SUPT3H: variants seen among roughly 807,000 people sequenced by gnomAD.
SUPT3H encodes transcription initiation protein SPT3 homolog.
A neutral mutation model predicts 44.3 loss-of-function variants in SUPT3H; 44 were observed. The observed-to-expected ratio is 0.99, with a 90% CI of 0.78 to 1.28. The LOEUF is 1.28. Ranked by LOEUF, SUPT3H falls within the 50% of genes most tolerant of loss-of-function variation. The probability of loss-of-function intolerance (pLI) is 0.00; values close to 1 mark genes in which losing one functional copy is unlikely to be tolerated. For synonymous variants in SUPT3H, 124 were observed against 125.6 expected (o/e 0.99, Z 0.09); for missense variants, 380 against 387.1 (o/e 0.98, Z 0.15).
At chr6:44,909,510 T>C (rs75543096) in intron 10 of SUPT3H, among the ~76,000 whole-genome samples, 1 of 152,356 alleles carries the variant, frequency 6.6e-6, no homozygotes, top group East Asian at 1.9e-4. Context: ...ACTTATCCTA[T>C]AAAATGCTCA....
intron 10 of SUPT3H, among the ~76,000 whole-genome samples, chr6:44,869,672 T>C (rs1776053540): frequency 6.6e-6 from 1 of 152,172 alleles, no homozygotes; most frequent in African/African-American, 2.4e-5. Flanking sequence ...CTGCCCCGAA[T>C]CCCTTGCTCT....
At chr6:45,295,548 A>AAAAAAAAAAAAAAAAAAAAAAAAAAAAAC (rs1554330142) in intron 2 of SUPT3H, among the ~76,000 whole-genome samples, 2 of 90,218 alleles carry the variant, frequency 2.2e-5, no homozygotes, top group Admixed American at 1.2e-4. Flanking sequence ...AAAAAAAAAA[A>AAAAAAAAAAAAAAAAAAAAAAAAAAAAAC]AAAAAACAGC....
chr6:44,828,542 A>C lies in SUPT3H; in HGVS notation c.*1274T>G, dbSNP rs1167033437. On this transcript the variant is annotated 3_prime_UTR_variant, in exon 11 of 11. Transcript: ENST00000371459. Reference sequence around the variant, plus strand: ...AGTGTTTTTGAATCGCAACTATTACAATATAAGAAGGCAGGAAAGCTAATG... The same window carrying C: ...AGTGTTTTTGAATCGCAACTATTACCATATAAGAAGGCAGGAAAGCTAATG... 6.6e-6 allele frequency among the ~76,000 whole-genome samples: 1 copy of C among 152,158 alleles called. No individual in the cohort carries two copies. Among genetic ancestry groups the C allele is most frequent in the Admixed American group, 6.6e-5 (1 of 15,266 alleles).
chr6:45,262,669 A>C (rs1242141185), intron 2 of SUPT3H, among the ~76,000 whole-genome samples: 1 of 152,174 alleles, frequency 6.6e-6, no homozygotes, highest in Non-Finnish European at 1.5e-5. Flanking sequence ...AATCTAATTA[A>C]ACTTCTGCAC....
intron 2 of SUPT3H, among the ~76,000 whole-genome samples, chr6:45,335,347 T>C (rs1301195874): frequency 1.3e-5 from 2 of 151,252 alleles, no homozygotes; most frequent in African/African-American, 4.8e-5. Context: ...TGACATTTAT[T>C]TTACTATGTA....
At chr6:44,855,756 C>G (rs1773623571) in intron 10 of SUPT3H, among the ~76,000 whole-genome samples, 1 of 151,816 alleles carries the variant, frequency 6.6e-6, no homozygotes, top group African/African-American at 2.4e-5. Context: ...CCCTGACAAT[C>G]AGAGACACTT....
intron 10 of SUPT3H, among the ~76,000 whole-genome samples, chr6:44,889,142 C>T (rs929644655): frequency 3.3e-5 from 5 of 151,972 alleles, no homozygotes; most frequent in African/African-American, 1.2e-4. Flanking sequence ...GAATAACATT[C>T]CATGCTCATG....
rs73737828 is a variant in SUPT3H at position 45,019,597 on chromosome 6, T to C, written c.273+949A>G. ...TATCACTCGTTCTTGACCTTCAGGT[T>C]CAAGATTTCTATTAATAGCTGAAAC... On this transcript the variant is annotated intron_variant, in intron 4 of 10. Transcript: ENST00000371459. Among the ~76,000 whole-genome samples the C allele has an allele frequency of 3.9e-3, 593 of 152,148 alleles. 7 individuals carry two copies. The highest frequency in any genetic ancestry group is 0.014 in the African/African-American group (565 of 41,542).
At chr6:45,076,369 C>T (rs750194595) in intron 3 of SUPT3H, among the ~76,000 whole-genome samples, 18 of 152,108 alleles carry the variant, frequency 1.2e-4, no homozygotes, top group Admixed American at 8.5e-4. Flanking sequence ...TTTTGATCAG[C>T]TTCCTTTGTT....
At chr6:45,275,813 G>A (rs547707845) in intron 2 of SUPT3H, among the ~76,000 whole-genome samples, 3 of 152,098 alleles carry the variant, frequency 2.0e-5, no homozygotes, top group Admixed American at 2.0e-4. Flanking sequence ...AAATAAAAAG[G>A]TTTTAAAAAT....
intron 9 of SUPT3H, among the ~76,000 whole-genome samples, chr6:44,934,861 A>G (rs1771165705): frequency 6.6e-6 from 1 of 152,220 alleles, no homozygotes; most frequent in Non-Finnish European, 1.5e-5. Flanking sequence ...GCCCAAATGG[A>G]CTAAGATAGA....
chr6:44,915,239 AAG>A (rs1218618572), intron 10 of SUPT3H, among the ~76,000 whole-genome samples: 1 of 152,210 alleles, frequency 6.6e-6, no homozygotes, highest in African/African-American at 2.4e-5. Flanking sequence ...ACTGGGGAGA[AAG>A]AAACACTTTC....
intron 1 of SUPT3H, among the ~76,000 whole-genome samples, chr6:45,366,693 T>C (rs143627078): frequency 6.6e-5 from 10 of 152,316 alleles, no homozygotes; most frequent in Non-Finnish European, 1.3e-4. Flanking sequence ...AGCTTCTTTA[T>C]AAGTTGAGTT....
rs1797036533 is a variant in SUPT3H at position 45,377,781 on chromosome 6, A to T, written c.-14T>A. 1 of 152,090 alleles carries T rather than the reference A, an allele frequency of 6.6e-6. No individual in the cohort carries two copies. The highest frequency in any genetic ancestry group is 6.6e-5 in the Admixed American group (1 of 15,266). The allele number at this position is 152,090 out of a possible 1,614,324, so 9.4% of individuals were successfully genotyped here. On this transcript the variant is annotated 5_prime_UTR_variant, in exon 1 of 11. Coordinates refer to ENST00000371459, the MANE Select transcript of SUPT3H (RefSeq NM_003599.4). ...AAGCCCTACAACCTCTGCTTTAAGA[A>T]CCCTTGGAGGCACTGCTGCGCTTCC...
chr6:45,313,654 T>TAC lies in SUPT3H; in HGVS notation c.101+51546_101+51547insGT, dbSNP rs1437843622. Among the ~76,000 whole-genome samples, 23 of 16,810 alleles carry TAC rather than the reference T, an allele frequency of 1.4e-3. 1 individual carries two copies. Among genetic ancestry groups the TAC allele is most frequent in the Admixed American group, 7.4e-3 (9 of 1,224 alleles). The allele number at this position is 16,810 out of a possible 152,430, so 11.0% of individuals were successfully genotyped here. ...GAGATTGAAATGGTAATTTAAAAAT[T>TAC]ATAAAAAAAAAAAAAAGTCCACGAC... On this transcript the variant is annotated intron_variant, in intron 2 of 10. Transcript: ENST00000371459.
At chr6:44,859,582 A>G (rs1229291218) in intron 10 of SUPT3H, among the ~76,000 whole-genome samples, 2 of 152,202 alleles carry the variant, frequency 1.3e-5, no homozygotes, top group African/African-American at 4.8e-5. Context: ...AGAACCATAG[A>G]AGGACATTGA....
intron 2 of SUPT3H, among the ~76,000 whole-genome samples, chr6:45,248,575 G>C (rs1028870818): frequency 6.6e-6 from 1 of 152,106 alleles, no homozygotes; most frequent in Non-Finnish European, 1.5e-5. Context: ...ATCAAAAAAA[G>C]AGAAAAAACT....
intron 3 of SUPT3H, among the ~76,000 whole-genome samples, chr6:45,068,150 C>A (rs1010277010): frequency 1.1e-4 from 17 of 149,858 alleles, no homozygotes; most frequent in African/African-American, 3.7e-4. Context: ...ATGATGAGTT[C>A]GTGTCCTTTG....
intron 2 of SUPT3H, among the ~76,000 whole-genome samples, chr6:45,238,400 A>G (rs762299964): frequency 6.6e-6 from 1 of 152,222 alleles, no homozygotes; most frequent in Non-Finnish European, 1.5e-5. Context: ...ACCAGGGGAC[A>G]TTAATTGGAT....
Sources: gnomAD v4.1 joint callset for allele counts (sites outside exome capture counted in the v4.1 genomes callset) on GRCh38, gnomAD v4.1.1 for gene constraint, MANE v1.5 for transcripts, NCBI Gene and HGNC (gene_info 2026-07-23, HGNC 2026-07-21) for gene names.